The following CTNNB1 variants were observed in gnomAD, a reference collection of about 807,000 sequenced individuals.
The protein encoded by CTNNB1 is catenin beta-1.
In CTNNB1, 6 loss-of-function variants were observed where a neutral mutation model predicts 82.5. The observed-to-expected ratio is 0.07, with a 90% CI of 0.04 to 0.14. The LOEUF (loss-of-function observed/expected upper bound fraction) is 0.14, where lower values mean the gene tolerates loss of function less well. Ranked by LOEUF, CTNNB1 falls within the 10% of genes least tolerant of loss-of-function variation. CTNNB1 has a pLI of 1.00. For missense variants in CTNNB1, 529 were observed against 980.4 expected, an observed-to-expected ratio of 0.54 and a Z score of 6.15; for synonymous variants, 312 against 329.7, an observed-to-expected ratio of 0.95 and a Z score of 0.58.
At position 41,239,476 on chromosome 3, in the gene CTNNB1, G is replaced by GGTATAT; in HGVS notation, c.*135_*140dup. 1.3e-6 allele frequency: 1 copy of GGTATAT among 743,876 alleles called. No individual in the cohort carries two copies. The allele number at this position is 743,876 out of a possible 1,614,324, so 46.1% of individuals were successfully genotyped here. A position where few individuals can be genotyped will look rare whatever the true frequency, so the allele number is the denominator to read the frequency against. ...TATTTGTAAATCTGCCACAAAAACA[G>GGTATAT]GTATATACTTTGAAAGGAGATGTCT... is the stretch of plus-strand genomic sequence containing the variant. On this transcript the variant is annotated 3_prime_UTR_variant, in exon 15 of 15. Coordinates refer to ENST00000349496, the MANE Select transcript of CTNNB1 (RefSeq NM_001904.4).
chr3:41,224,705 G>C lies in CTNNB1; in HGVS notation c.193G>C (p.Glu65Gln), dbSNP rs2125618074. 1 of 1,614,002 alleles carries C rather than the reference G, an allele frequency of 6.2e-7. No homozygotes were observed. Among genetic ancestry groups the C allele is most frequent in the South Asian group, 1.1e-5 (1 of 91,088 alleles). ...EDVDTSQVLY[E>Q]WEQGFSQSFT... ...TGTGGATACCTCCCAAGTCCTGTAT[G>C]AGTGGGAACAGGGATTTTCTCAGTC... Residue 65 changes from glutamate to glutamine, a missense_variant, in exon 3 of 15, where the codon GAG becomes CAG. Around this residue, in one of 4 missense-constraint regions of CTNNB1, gnomAD observed 411 missense variants for 776.4 expected, o/e 0.53. Coordinates refer to ENST00000349496, the MANE Select transcript of CTNNB1 (RefSeq NM_001904.4).
intron 1 of CTNNB1, among the ~76,000 whole-genome samples, chr3:41,217,845 CT>C (rs1407407630): frequency 6.6e-6 from 1 of 152,152 alleles, no homozygotes; most frequent in African/African-American, 2.4e-5. Flanking sequence ...CAGTATGATT[CT>C]TTCTTTTTTT....
At chr3:41,210,234 A>C (rs2077747371) in intron 1 of CTNNB1, among the ~76,000 whole-genome samples, 1 of 152,004 alleles carries the variant, frequency 6.6e-6, no homozygotes, top group South Asian at 2.1e-4. Flanking sequence ...CAGGCGGATC[A>C]CGAGGTCAGG....
At chr3:41,232,743 G>A (rs2078339807) in intron 7 of CTNNB1, among the ~76,000 whole-genome samples, 1 of 152,000 alleles carries the variant, frequency 6.6e-6, no homozygotes, top group Non-Finnish European at 1.5e-5. Flanking sequence ...CGTCTTTCTG[G>A]ATTGTTCTTA....
Position 41,225,700 on chromosome 3 carries a change from C to T in CTNNB1, c.775C>T (p.Leu259Phe), listed in dbSNP as rs1472749661. ...DSVLFYAITT[L>F]HNLLLHQEGA... ...TGTGTTGTTTTATGCCATTACAACT[C>T]TCCACAACCTTTTATTACATCAAGA... is the stretch of plus-strand genomic sequence containing the variant. The change falls in exon 6 of 15, where the codon CTC becomes TTC. Residue 259 changes from leucine to phenylalanine, a missense_variant. By Grantham distance (22) the Leu-to-Phe change is conservative. This residue lies in a region of CTNNB1 where 411 missense variants were observed against 776.4 expected (regional missense o/e 0.53). Coordinates refer to ENST00000349496, the MANE Select transcript of CTNNB1 (RefSeq NM_001904.4). The surrounding 1 kb of genome is among the most constrained non-coding windows in gnomAD (Gnocchi z 5.3). 1.2e-6 allele frequency: 2 copies of T among 1,614,048 alleles called. No homozygotes were observed. The highest frequency in any genetic ancestry group is 1.7e-6 in the Non-Finnish European group (2 of 1,180,018).
rs1207330730 is a variant in CTNNB1, at chr3:41,239,986, C to CTTT, written c.*667_*669dup. On this transcript the variant is annotated 3_prime_UTR_variant, in exon 15 of 15. Coordinates refer to ENST00000349496, the MANE Select transcript of CTNNB1 (RefSeq NM_001904.4). Reference sequence around the variant, plus strand: ...TGACTTTGCTTGCTTTGAAGTAGCTCTTTTTTTTTTTTTTTTTTTTTTTTT... The same window carrying CTTT: ...TGACTTTGCTTGCTTTGAAGTAGCTCTTTTTTTTTTTTTTTTTTTTTTTTTTTT... 927 of 32,430 alleles carry CTTT rather than the reference C, an allele frequency of 0.029. 58 individuals carry two copies. Among genetic ancestry groups the CTTT allele is most frequent in the Middle Eastern group, 0.058 (3 of 52 alleles). 2.0% of individuals were successfully genotyped at this position (32,430 alleles called of 1,614,324 possible).
chr3:41,232,321 C>A (rs2125635960), intron 7 of CTNNB1, among the ~76,000 whole-genome samples: 1 of 152,196 alleles, frequency 6.6e-6, no homozygotes, highest in African/African-American at 2.4e-5. Flanking sequence ...GCATCCTGAT[C>A]ATCAGTCTTA....
intron 11 of CTNNB1, 54 bp from the exon 12 acceptor site, chr3:41,236,295 T>C: frequency 6.2e-7 from 1 of 1,607,874 alleles, no homozygotes; most frequent in South Asian, 1.1e-5. Context: ...AGTGGGGGGC[T>C]TGCCATGTTT....
intron 1 of CTNNB1, among the ~76,000 whole-genome samples, chr3:41,205,574 T>G (rs2125587202): frequency 6.6e-6 from 1 of 152,062 alleles, no homozygotes; most frequent in Non-Finnish European, 1.5e-5. Context: ...TGCTTGGAAG[T>G]CTGAAGCATG....
chr3:41,240,353 T>G lies in CTNNB1; in HGVS notation c.*1011T>G, dbSNP rs950306546. 19 of 188,582 alleles carry G rather than the reference T, an allele frequency of 1.0e-4. No individual in the cohort carries two copies. In the East Asian group the frequency reaches 1.6e-3, roughly 16 times the overall value. The allele number at this position is 188,582 out of a possible 1,614,324, so 11.7% of individuals were successfully genotyped here. On this transcript the variant is annotated 3_prime_UTR_variant, in exon 15 of 15. Coordinates refer to ENST00000349496, the MANE Select transcript of CTNNB1 (RefSeq NM_001904.4). ...TGGACAGTTTACCAGTTGCCTTTTA[T>G]CCCAAAGTTGTTGTAACCTGCTGTG...
In CTNNB1 at chr3:41,213,386, T is replaced by C. The variant is rs571751752; in HGVS notation, c.-48-10635T>C. ...CTAAGTGGGCCCTTCCTTCCACTTC[T>C]GCTGTGTAATCCCACTCCCTTCTCC... On this transcript the variant is annotated intron_variant, in intron 1 of 14. Coordinates refer to ENST00000349496, the MANE Select transcript of CTNNB1 (RefSeq NM_001904.4). 3.3e-5 allele frequency among the ~76,000 whole-genome samples: 5 copies of C among 152,216 alleles called. No homozygotes were observed. The South Asian group carries it at 1.0e-3, about 32-fold the overall frequency.
chr3:41,222,648 A>G (rs1164288189), intron 1 of CTNNB1, among the ~76,000 whole-genome samples: 1 of 152,240 alleles, frequency 6.6e-6, no homozygotes, highest in Non-Finnish European at 1.5e-5. Context: ...GAGTTTACCC[A>G]GTAATATGCG....
intron 10 of CTNNB1, chr3:41,234,670 CTA>C (rs2078391174): frequency 3.8e-6 from 1 of 264,012 alleles, no homozygotes; most frequent in Admixed American, 5.0e-5. Context: ...TGCATTTTGA[CTA>C]TAAATATTTA....
At chr3:41,228,649 C>T (rs2078234052) in intron 7 of CTNNB1, among the ~76,000 whole-genome samples, 1 of 152,112 alleles carries the variant, frequency 6.6e-6, no homozygotes, top group South Asian at 2.1e-4. Context: ...CCAGTACTTT[C>T]TCCCATGCCA....
intron 1 of CTNNB1, among the ~76,000 whole-genome samples, chr3:41,218,780 C>T (rs1307825024): frequency 6.6e-6 from 1 of 152,184 alleles, no homozygotes; most frequent in Non-Finnish European, 1.5e-5. Context: ...TGGTCTTGAA[C>T]TCCTGGACTC....
At chr3:41,214,665 T>A (rs541500475) in intron 1 of CTNNB1, among the ~76,000 whole-genome samples, 7 of 152,226 alleles carry the variant, frequency 4.6e-5, no homozygotes, top group Admixed American at 4.6e-4. Flanking sequence ...AATGTAAAAA[T>A]ACACCTGCCT....
At chr3:41,224,290 C>A in intron 2 of CTNNB1, 1 of 719,786 alleles carries the variant, frequency 1.4e-6, no homozygotes, top group South Asian at 1.7e-5. Context: ...GCTTCTGGAG[C>A]CTGGATGCAG....
At chr3:41,226,109 A>G (rs1225666865) in intron 6 of CTNNB1, among the ~76,000 whole-genome samples, 1 of 151,996 alleles carries the variant, frequency 6.6e-6, no homozygotes, top group East Asian at 1.9e-4. Context: ...TAGGGTTTCT[A>G]CTCCTATGAG....
Position 41,225,020 on chromosome 3 carries a change from T to C in CTNNB1, c.308T>C (p.Leu103Ser). The C allele has an allele frequency of 6.2e-7, 1 of 1,614,086 alleles. No homozygotes were observed. The highest frequency in any genetic ancestry group is 1.1e-5 in the South Asian group (1 of 91,076). The change falls in exon 4 of 15, where the codon TTA becomes TCA. Residue 103 changes from leucine (L) to serine (S), a missense_variant. This residue lies in a region of CTNNB1 where 411 missense variants were observed against 776.4 expected (regional missense o/e 0.53). Transcript: ENST00000349496. This position sits in a 1 kb window ranked among gnomAD's most constrained non-coding sequence, Gnocchi z 5.3. The stretch of plus-strand genomic sequence containing the variant: ...CGAGCTGCTATGTTCCCTGAGACAT[T>C]AGATGAGGGCATGCAGATCCCATCT... The part of the protein sequence containing the change: ...RVRAAMFPET[L>S]DEGMQIPSTQ...
Sources: allele counts gnomAD v4.1 joint callset (sites outside exome capture counted in the v4.1 genomes callset), GRCh38; gene constraint gnomAD v4.1.1; regional missense constraint gnomAD v4.1.1; non-coding constraint Gnocchi (gnomAD v3.1); transcripts MANE v1.5; gene names NCBI Gene and HGNC (gene_info 2026-07-23, HGNC 2026-07-21).